Variants in ENPEP observed in about 807,000 individuals in gnomAD.
ENPEP encodes the protein glutamyl aminopeptidase, also known as AP-A.
Under a neutral mutation model 114.5 loss-of-function variants are expected in ENPEP, and 103 were observed. That is an observed-to-expected ratio of 0.90 (90% CI 0.77 to 1.06). The LOEUF (loss-of-function observed/expected upper bound fraction) is 1.06, where lower values mean the gene tolerates loss of function less well. ENPEP is among the 50% of genes least tolerant of loss of function. ENPEP has a pLI of 0.00. For synonymous variants in ENPEP, 420 were observed against 422.0 expected (o/e 1.00, Z 0.06); for missense variants, 1,196 against 1,161.3 (o/e 1.03, Z -0.43).
In ENPEP at chr4:110,559,690, G is replaced by A. The variant is rs1338863125; in HGVS notation, c.2686G>A (p.Ala896Thr). 2.2e-5 allele frequency: 35 copies of A among 1,613,784 alleles called. No homozygotes were observed. Among genetic ancestry groups the A allele is most frequent in the Non-Finnish European group, 3.0e-5 (35 of 1,179,852 alleles). Residue 896 changes from alanine to threonine, a missense_variant, in exon 19 of 20, where the codon GCA becomes ACA. Ala to Thr is a moderately conservative substitution (Grantham distance 58). Transcript: ENST00000265162. ...AAACCTTGGCCGAATTGTCACAATA[G>A]CAGAGCCATTCAACACTGAACTGCA... ...NRNLGRIVTI[A>T]EPFNTELQLW...
Position 110,531,262 on chromosome 4 carries a change from A to G in ENPEP, c.1792A>G (p.Arg598Gly), listed in dbSNP as rs940503293. Residue 598 changes from arginine to glycine, a missense_variant, in exon 11 of 20, where the codon AGG becomes GGG. Arg to Gly is a moderately radical substitution (Grantham distance 125, BLOSUM62 -2). Coordinates refer to ENST00000265162, the MANE Select transcript of ENPEP (RefSeq NM_001977.4). ...DNITSSVLFN[R>G]SEKEGITLNS... The stretch of plus-strand genomic sequence containing the variant: ...TATAACAAGCAGTGTGTTATTTAAT[A>G]GGTCAGAAAAAGAAGGTAAATATTA... 3 of 1,445,704 alleles carry G rather than the reference A, an allele frequency of 2.1e-6. No individual in the cohort carries two copies. Among genetic ancestry groups the G allele is most frequent in the Middle Eastern group, 2.1e-4 (1 of 4,854 alleles). 89.6% of individuals were successfully genotyped at this position (1,445,704 alleles called of 1,614,324 possible).
intron 1 of ENPEP, among the ~76,000 whole-genome samples, chr4:110,477,761 C>G (rs1050753458): frequency 6.6e-6 from 1 of 152,024 alleles, no homozygotes. Context: ...TAATGCTAAG[C>G]CTTTTACAAC....
intron 1 of ENPEP, among the ~76,000 whole-genome samples, chr4:110,486,517 C>T (rs188858677): frequency 1.2e-3 from 177 of 152,236 alleles, no homozygotes; most frequent in Non-Finnish European, 1.7e-3. Context: ...AACATGTTTC[C>T]CTGAACCTCC....
intron 10 of ENPEP, among the ~76,000 whole-genome samples, chr4:110,522,059 A>G (rs1726012835): frequency 6.6e-6 from 1 of 151,910 alleles, no homozygotes; most frequent in Non-Finnish European, 1.5e-5. Context: ...TTGTATTTTT[A>G]GTGAAGGCGG....
intron 6 of ENPEP, chr4:110,513,153 T>C (rs1040426971): frequency 4.2e-5 from 11 of 261,544 alleles, no homozygotes. Context: ...CACACAGAAG[T>C]CGCAGAAGCA....
chr4:110,484,399 AATC>A (rs1724424453), intron 1 of ENPEP, among the ~76,000 whole-genome samples: 1 of 152,222 alleles, frequency 6.6e-6, no homozygotes, highest in East Asian at 1.9e-4. Flanking sequence ...TTCCCCATAA[AATC>A]ATATTGGCTC....
chr4:110,517,142 G>C (rs1186388493), intron 8 of ENPEP, among the ~76,000 whole-genome samples: 6 of 151,894 alleles, frequency 4.0e-5, no homozygotes, highest in Admixed American at 1.3e-4. Flanking sequence ...GTGTCGCCAC[G>C]TTGCCCAGGC....
At chr4:110,551,872 G>A (rs1007978988) in intron 17 of ENPEP, among the ~76,000 whole-genome samples, 55 of 152,132 alleles carry the variant, frequency 3.6e-4, no homozygotes, top group African/African-American at 1.3e-3. Context: ...TGGAGAAAGA[G>A]ACCTCTGATT....
chr4:110,499,364 T>C (rs1165647161), intron 3 of ENPEP, among the ~76,000 whole-genome samples: 1 of 152,214 alleles, frequency 6.6e-6, no homozygotes, highest in Non-Finnish European at 1.5e-5. Context: ...GTCTTATAAG[T>C]AGAGAAAATA....
chr4:110,478,786 T>C (rs1326428019), intron 1 of ENPEP, among the ~76,000 whole-genome samples: 1 of 152,240 alleles, frequency 6.6e-6, no homozygotes, highest in African/African-American at 2.4e-5. Flanking sequence ...TTGAATACAT[T>C]GTAATTTTTT....
chr4:110,519,001 A>G (rs1052895390), intron 8 of ENPEP: 4 of 443,988 alleles, frequency 9.0e-6, no homozygotes, highest in Middle Eastern at 6.6e-4. Flanking sequence ...TTTTATTAAG[A>G]TATGATGAAT....
intron 5 of ENPEP, 84 bp from the exon 6 acceptor site, chr4:110,510,161 G>C (rs759150122): frequency 8.7e-7 from 1 of 1,146,966 alleles, no homozygotes; most frequent in Non-Finnish European, 1.3e-6. Context: ...CATTGGCACG[G>C]ACAAATAAAT....
At chr4:110,526,104 C>T (rs1578408274) in intron 10 of ENPEP, among the ~76,000 whole-genome samples, 2 of 152,054 alleles carry the variant, frequency 1.3e-5, no homozygotes, top group East Asian at 1.9e-4. Flanking sequence ...GATGAAACCC[C>T]ATCTCTACTG....
At chr4:110,490,807 T>A (rs1724678659) in intron 2 of ENPEP, among the ~76,000 whole-genome samples, 1 of 152,228 alleles carries the variant, frequency 6.6e-6, no homozygotes, top group Non-Finnish European at 1.5e-5. Flanking sequence ...TATTTCTCCC[T>A]GAAAAACCTG....
chr4:110,518,626 G>C (rs915860081), intron 8 of ENPEP, among the ~76,000 whole-genome samples: 1 of 152,136 alleles, frequency 6.6e-6, no homozygotes, highest in Non-Finnish European at 1.5e-5. Context: ...AATTTTAAAA[G>C]CAGTAACAAC....
chr4:110,529,367 T>C (rs1175553817), intron 10 of ENPEP, among the ~76,000 whole-genome samples: 2 of 152,156 alleles, frequency 1.3e-5, no homozygotes, highest in Non-Finnish European at 2.9e-5. Flanking sequence ...CTGCAAGGGC[T>C]CTTAGTTTGG....
At chr4:110,522,357 T>C (rs1186464045) in intron 10 of ENPEP, among the ~76,000 whole-genome samples, 1 of 152,018 alleles carries the variant, frequency 6.6e-6, no homozygotes, top group Admixed American at 6.6e-5. Flanking sequence ...AAGTTTTGTA[T>C]TTTTTAGTAG....
intron 18 of ENPEP, among the ~76,000 whole-genome samples, chr4:110,558,437 C>T (rs1413075866): frequency 2.0e-5 from 3 of 151,542 alleles, no homozygotes; most frequent in Non-Finnish European, 4.4e-5. Flanking sequence ...ACTTGTGGGG[C>T]GCACACCACC....
At chr4:110,558,937 G>A (rs1243251888) in intron 18 of ENPEP, among the ~76,000 whole-genome samples, 2 of 152,160 alleles carry the variant, frequency 1.3e-5, no homozygotes, top group Admixed American at 6.5e-5. Context: ...TTTGAAAGCA[G>A]AATAAATAGC....
Sources: gnomAD v4.1 joint callset for allele counts (sites outside exome capture counted in the v4.1 genomes callset) on GRCh38, gnomAD v4.1.1 for gene constraint, MANE v1.5 for transcripts, NCBI Gene and HGNC (gene_info 2026-07-23, HGNC 2026-07-21) for gene names.